PTPRF: variants seen among roughly 807,000 people sequenced by gnomAD.
PTPRF encodes the protein receptor-type tyrosine-protein phosphatase F.
Under a neutral mutation model 201.8 loss-of-function variants are expected in PTPRF, and 59 were observed. That is an observed-to-expected ratio of 0.29 (90% CI 0.24 to 0.36). PTPRF has a LOEUF of 0.36. Ranked by LOEUF, PTPRF falls within the 10% of genes least tolerant of loss-of-function variation. PTPRF has a pLI of 1.00. For missense variants in PTPRF, 2,132 were observed against 2,690.5 expected, an observed-to-expected ratio of 0.79 and a Z score of 4.59; for synonymous variants, 1,088 against 1,089.7, an observed-to-expected ratio of 1.00 and a Z score of 0.03.
chr1:43,615,062 T>C (rs1326408881), intron 23 of PTPRF, among the ~76,000 whole-genome samples: 1 of 151,728 alleles, frequency 6.6e-6, no homozygotes, highest in African/African-American at 2.4e-5. Flanking sequence ...AACCTGTGAG[T>C]TTGCGCCCCT....
In PTPRF at chr1:43,609,437, C is replaced by T. The variant is rs1227155017; in HGVS notation, c.3912C>T (p.Asp1304=). Residue 1304 remains aspartate (D), a synonymous_variant, in exon 22 of 34, where the codon GAC becomes GAT. Transcript: ENST00000359947. ...ATGAGCAGTCGATCGGACTGAAGGA[C>T]TCCTTGCTGGCCCACTCCTCTGACC... ...SKDEQSIGLK[D]SLLAHSSDPV... 6.2e-7 allele frequency: 1 copy of T among 1,614,116 alleles called. No homozygotes were observed.
At position 43,553,449 on chromosome 1, in the gene PTPRF, T is replaced by C. The variant is rs767207434; in HGVS notation, c.92-43T>C. 1.3e-6 allele frequency: 2 copies of C among 1,595,590 alleles called. No homozygotes were observed. The highest frequency in any genetic ancestry group is 1.7e-6 in the Non-Finnish European group (2 of 1,166,498). On this transcript the variant is annotated intron_variant, in intron 3 of 33. Coordinates refer to ENST00000359947, the MANE Select transcript of PTPRF (RefSeq NM_002840.5). This position sits in a 1 kb window ranked among gnomAD's most constrained non-coding sequence, Gnocchi z 4.1. ...CCACCTTCCTCACTGGCCATTCCTATAGTGACTGTGCTGTGGTGACTTGGT... is the reference window on the plus strand; with the variant it reads ...CCACCTTCCTCACTGGCCATTCCTACAGTGACTGTGCTGTGGTGACTTGGT...
At position 43,609,504 on chromosome 1, in the gene PTPRF, G is replaced by GCAC. The variant is rs757439442; in HGVS notation, c.3973+7_3973+9dup. ...GCTCAACTACCAGACCCCAGGTAGGGCACTCCTATGGCCTGTGTGCCCCCA... is the reference window on the plus strand; with the variant it reads ...GCTCAACTACCAGACCCCAGGTAGGGCACCACTCCTATGGCCTGTGTGCCCCCA... On this transcript the variant is annotated splice_region_variant and intron_variant, in intron 22 of 33. Transcript: ENST00000359947. The GCAC allele has an allele frequency of 1.2e-6, 2 of 1,608,614 alleles. No individual in the cohort carries two copies. The highest frequency in any genetic ancestry group is 1.7e-6 in the Non-Finnish European group (2 of 1,176,342).
At chr1:43,536,826 C>T (rs543338854) in intron 1 of PTPRF, among the ~76,000 whole-genome samples, 153 of 152,204 alleles carry the variant, frequency 1.0e-3, no homozygotes, top group Non-Finnish European at 8.8e-4. Context: ...GAGGCTGGGT[C>T]GCCAAGCTGG....
intron 5 of PTPRF, among the ~76,000 whole-genome samples, chr1:43,560,945 G>A (rs1053003499): frequency 2.0e-5 from 3 of 152,144 alleles, no homozygotes; most frequent in African/African-American, 7.2e-5. Context: ...CAGGTGTCTC[G>A]ATGGAGTGCC....
In PTPRF at chr1:43,606,347, C is replaced by T. The variant is rs1065772; in HGVS notation, c.3591C>T (p.Thr1197=). The change falls in exon 20 of 34, where the codon ACC becomes ACT. Residue 1197 remains threonine (T), a synonymous_variant. Transcript: ENST00000359947. ...VAAQLDVLPE[T]FTLGDKKNYR... ...CTCAACTGGATGTGCTCCCGGAGAC[C>T]TTTACCTTGGGGGACAAGAAGAACT... 0.33 allele frequency: 539,978 copies of T among 1,613,910 alleles called. 94,210 individuals carry two copies. The highest frequency in any genetic ancestry group is 0.42 in the East Asian group (18,907 of 44,870).
chr1:43,547,749 CCAAGAGTTAGCCCAGAGGCCCCAGTGT>C (rs1396456596), intron 3 of PTPRF, among the ~76,000 whole-genome samples: 1 of 152,160 alleles, frequency 6.6e-6, no homozygotes, highest in Non-Finnish European at 1.5e-5. Context: ...GAAGCAGCTG[CCAAGAGTTAGCCCAGAGGCCCCAGTGT>C]CAGTGCCGCA....
At position 43,553,205 on chromosome 1, in the gene PTPRF, G is replaced by A. The variant is rs116220355; in HGVS notation, c.92-287G>A. On this transcript the variant is annotated intron_variant, in intron 3 of 33. Coordinates refer to ENST00000359947, the MANE Select transcript of PTPRF (RefSeq NM_002840.5). This position sits in a 1 kb window ranked among gnomAD's most constrained non-coding sequence, Gnocchi z 4.1. ...TCCAGACTTGGAACACCTGGGTTCA[G>A]ATCTTAGCTCTACCACTTACCAGCT... Among the ~76,000 whole-genome samples the A allele has an allele frequency of 6.6e-6, 1 of 152,210 alleles. No individual in the cohort carries two copies. The highest frequency in any genetic ancestry group is 2.1e-4 in the South Asian group (1 of 4,832).
intron 7 of PTPRF, among the ~76,000 whole-genome samples, chr1:43,587,791 C>T (rs57242601): frequency 0.022 from 3,364 of 152,272 alleles, 124 homozygotes; most frequent in African/African-American, 0.078. Context: ...CATGCCTGCC[C>T]ACGGCTGGGT....
intron 7 of PTPRF, among the ~76,000 whole-genome samples, chr1:43,581,884 G>A (rs967066444): frequency 6.6e-5 from 10 of 152,336 alleles, no homozygotes; most frequent in African/African-American, 2.4e-4. Flanking sequence ...TGGGCTGGAC[G>A]ATTCTTAGTT....
intron 5 of PTPRF, among the ~76,000 whole-genome samples, chr1:43,566,919 C>G (rs1349490602): frequency 6.6e-6 from 1 of 152,112 alleles, no homozygotes; most frequent in Non-Finnish European, 1.5e-5. Context: ...CCACTGAGGG[C>G]GTGATAATTG....
chr1:43,621,880 G>A, intron 33 of PTPRF, 55 bp from the exon 34 acceptor site: 1 of 1,537,414 alleles, frequency 6.5e-7, no homozygotes, highest in Middle Eastern at 1.7e-4. Context: ...TGTCAGCTGT[G>A]TAGTGGGGGT....
At chr1:43,609,811 C>T (rs1170769824) in intron 22 of PTPRF, among the ~76,000 whole-genome samples, 2 of 152,184 alleles carry the variant, frequency 1.3e-5, no homozygotes, top group Admixed American at 1.3e-4. Context: ...CACGTCTCTG[C>T]CACAGGGTGG....
chr1:43,612,971 C>T (rs1353797584), intron 22 of PTPRF, among the ~76,000 whole-genome samples: 3 of 152,022 alleles, frequency 2.0e-5, no homozygotes, highest in Admixed American at 2.0e-4. Context: ...CCCTACCCTC[C>T]CCTCTGCCCA....
rs905209173 is a variant in PTPRF, at chr1:43,542,069, C to T, written c.-45-2962C>T. ...GCAGCCCTGCCCCTTGTTCCTCTCC[C>T]ACCTTCTCCCCACAGGTGACCCTGG... is the stretch of plus-strand genomic sequence containing the variant. On this transcript the variant is annotated intron_variant, in intron 2 of 33. Transcript: ENST00000359947. This position sits in a 1 kb window ranked among gnomAD's most constrained non-coding sequence, Gnocchi z 5.2. 1.3e-4 allele frequency among the ~76,000 whole-genome samples: 20 copies of T among 152,292 alleles called. No individual in the cohort carries two copies. The highest frequency in any genetic ancestry group is 1.3e-3 in the Admixed American group (20 of 15,308).
At chr1:43,560,231 G>A (rs1052029466) in intron 5 of PTPRF, among the ~76,000 whole-genome samples, 4 of 150,626 alleles carry the variant, frequency 2.7e-5, no homozygotes, top group Admixed American at 1.3e-4. Context: ...GCATCAGGCC[G>A]TGTGTGTGTG....
upstream of PTPRF, among the ~76,000 whole-genome samples, chr1:43,529,474 A>G (rs911935427): frequency 4.6e-5 from 7 of 152,122 alleles, no homozygotes; most frequent in Non-Finnish European, 8.8e-5. Flanking sequence ...TCCAAATTTT[A>G]TTTCTCACCT....
rs534840947 is a variant in PTPRF at position 43,554,510 on chromosome 1, G to A, written c.379+569G>A. 2.0e-5 allele frequency among the ~76,000 whole-genome samples: 3 copies of A among 152,286 alleles called. No homozygotes were observed. In the East Asian group the frequency reaches 5.8e-4, roughly 29 times the overall value. ...TGAGGACAGGTGGGAGTTGGGGGTG[G>A]CAGTTGGCAGCTAGGCAGGTGCCCA... is the stretch of plus-strand genomic sequence containing the variant. On this transcript the variant is annotated intron_variant, in intron 5 of 33. Transcript: ENST00000359947. The surrounding 1 kb of genome is among the most constrained non-coding windows in gnomAD (Gnocchi z 4.1).
In PTPRF at chr1:43,618,751, T is replaced by G. The variant is rs113248066; in HGVS notation, c.4491+2T>G. The G allele has an allele frequency of 6.3e-7, 1 of 1,596,012 alleles. No homozygotes were observed. ...GTGCGCACCTTCGCACTCCACAAGG[T>G]ATAGCCTTTCCCCAGTGCATATCTC... On this transcript the variant is annotated splice_donor_variant, in intron 26 of 33. Transcript: ENST00000359947. LOFTEE classifies it high-confidence loss of function.
Sources: allele counts gnomAD v4.1 joint callset (sites outside exome capture counted in the v4.1 genomes callset), GRCh38; gene constraint gnomAD v4.1.1; non-coding constraint Gnocchi (gnomAD v3.1); transcripts MANE v1.5; gene names NCBI Gene and HGNC (gene_info 2026-07-23, HGNC 2026-07-21).